The following TRHR variants were observed in gnomAD, a reference collection of about 807,000 sequenced individuals.
TRHR encodes the protein thyrotropin-releasing hormone receptor.
A neutral mutation model predicts 28.0 loss-of-function variants in TRHR; 14 were observed. The observed-to-expected ratio is 0.50, with a 90% confidence interval of 0.33 to 0.78. The LOEUF (loss-of-function observed/expected upper bound fraction) is 0.78, where lower values mean the gene tolerates loss of function less well. TRHR is among the 30% of genes least tolerant of loss of function. The pLI is 0.02. For synonymous variants in TRHR, 176 were observed against 171.9 expected, an observed-to-expected ratio of 1.02 and a Z score of -0.18; for missense variants, 438 against 469.5, an observed-to-expected ratio of 0.93 and a Z score of 0.62.
At chr8:109,113,314 G>A (rs540034925) in intron 2 of TRHR, among the ~76,000 whole-genome samples, 27 of 152,084 alleles carry the variant, frequency 1.8e-4, no homozygotes, top group Non-Finnish European at 5.9e-5. Context: ...GTTGAGAATG[G>A]CATGTCACTC....
chr8:109,111,013 C>T (rs1811824210), intron 2 of TRHR, among the ~76,000 whole-genome samples: 2 of 151,960 alleles, frequency 1.3e-5, no homozygotes, highest in African/African-American at 4.8e-5. Flanking sequence ...AATTAGCAGA[C>T]ATGGTGGTGC....
rs1811992591 is a variant in TRHR at position 109,120,539 on chromosome 8, A to G, written c.*1084A>G. ...TTGACTGCAATTGTCTTTCCTTCCT[A>G]TCTGCTTGTTGTTTGTAGGTTCTTT... On this transcript the variant is annotated 3_prime_UTR_variant, in exon 3 of 3. Coordinates refer to ENST00000518632, the MANE Select transcript of TRHR (RefSeq NM_003301.7). Among the ~76,000 whole-genome samples, 1 of 151,188 alleles carries G rather than the reference A, an allele frequency of 6.6e-6. No homozygotes were observed. The highest frequency in any genetic ancestry group is 2.4e-5 in the African/African-American group (1 of 41,202).
Position 109,119,773 on chromosome 8 carries a change from T to C in TRHR, c.*318T>C, listed in dbSNP as rs1811978332. ...ATAGAGTTTCAATAAAATCTAGACA[T>C]CAATTTACATTATTCATAGTAACCT... On this transcript the variant is annotated 3_prime_UTR_variant, in exon 3 of 3. Coordinates refer to ENST00000518632, the MANE Select transcript of TRHR (RefSeq NM_003301.7). Among the ~76,000 whole-genome samples the C allele has an allele frequency of 6.6e-6, 1 of 151,968 alleles. No homozygotes were observed. The highest frequency in any genetic ancestry group is 1.5e-5 in the Non-Finnish European group (1 of 67,924).
rs1423867937 is a variant in TRHR, at chr8:109,120,221, C to A, written c.*766C>A. ...AAAGGCAAAAGCCCAGATTAAGTAA[C>A]TGTGAAGATACAAACTAACATACAA... is the stretch of plus-strand genomic sequence containing the variant. On this transcript the variant is annotated 3_prime_UTR_variant, in exon 3 of 3. Transcript: ENST00000518632. Among the ~76,000 whole-genome samples, 1 of 151,862 alleles carries A rather than the reference C, an allele frequency of 6.6e-6. No individual in the cohort carries two copies. Among genetic ancestry groups the A allele is most frequent in the Non-Finnish European group, 1.5e-5 (1 of 67,888 alleles).
chr8:109,087,086 AG>A (rs748911645), intron 1 of TRHR, among the ~76,000 whole-genome samples: 14 of 152,126 alleles, frequency 9.2e-5, no homozygotes, highest in Non-Finnish European at 1.8e-4. Context: ...TACTTTTGCC[AG>A]GCATCTAAGA....
chr8:109,113,659 T>A (rs1811872864), intron 2 of TRHR, among the ~76,000 whole-genome samples: 1 of 152,106 alleles, frequency 6.6e-6, no homozygotes, highest in South Asian at 2.1e-4. Flanking sequence ...ACCATACTAA[T>A]GCAAGGGGTG....
At chr8:109,110,461 G>C (rs1811814003) in intron 2 of TRHR, among the ~76,000 whole-genome samples, 1 of 151,392 alleles carries the variant, frequency 6.6e-6, no homozygotes, top group South Asian at 2.1e-4. Context: ...AGCCTTATCA[G>C]ATACAACCAA....
chr8:109,108,348 C>T (rs1418059647), intron 2 of TRHR, among the ~76,000 whole-genome samples: 1 of 152,174 alleles, frequency 6.6e-6, no homozygotes, highest in Admixed American at 6.6e-5. Context: ...TGAGGAATCA[C>T]TTATCTGTGT....
chr8:109,102,165 T>C (rs764627192), intron 2 of TRHR, among the ~76,000 whole-genome samples: 4 of 152,288 alleles, frequency 2.6e-5, no homozygotes, highest in Non-Finnish European at 5.9e-5. Context: ...CTGCTGTCTT[T>C]ACAAGCTTGA....
In TRHR at chr8:109,119,248, C is replaced by T; in HGVS notation, c.990C>T (p.Ala330=). 6.2e-7 allele frequency: 1 copy of T among 1,612,838 alleles called. No individual in the cohort carries two copies. The highest frequency in any genetic ancestry group is 8.5e-7 in the Non-Finnish European group (1 of 1,179,256). ...TCATGTCCCAGAAATTCCGTGCAGC[C>T]TTCAGAAAGCTCTGCAACTGCAAGC... The part of the protein sequence containing the change: ...YNLMSQKFRA[A]FRKLCNCKQK... The change falls in exon 3 of 3, where the codon GCC becomes GCT. Residue 330 remains alanine (A), a synonymous_variant. Transcript: ENST00000518632.
intron 2 of TRHR, among the ~76,000 whole-genome samples, chr8:109,102,338 C>T (rs534003568): frequency 1.3e-5 from 2 of 152,164 alleles, no homozygotes; most frequent in Admixed American, 6.6e-5. Context: ...ACAAGCAAGA[C>T]TTGATATTGA....
At chr8:109,096,618 T>C (rs959419630) in intron 2 of TRHR, among the ~76,000 whole-genome samples, 1 of 152,200 alleles carries the variant, frequency 6.6e-6, no homozygotes, top group Non-Finnish European at 1.5e-5. Flanking sequence ...CAACTCCGCA[T>C]TCAGTGCCAT....
intron 2 of TRHR, among the ~76,000 whole-genome samples, chr8:109,090,191 A>C (rs1337830947): frequency 6.6e-6 from 1 of 152,224 alleles, no homozygotes; most frequent in African/African-American, 2.4e-5. Flanking sequence ...AATATCCAAG[A>C]TCAGTGTAAG....
Position 109,120,288 on chromosome 8 carries a change from A to C in TRHR, c.*833A>C, listed in dbSNP as rs1396904064. ...TAGTCAAGACAAAGCAAGTATTTAT[A>C]ATTAGATTTTGCTTCTTCTCTGACG... On this transcript the variant is annotated 3_prime_UTR_variant, in exon 3 of 3. Coordinates refer to ENST00000518632, the MANE Select transcript of TRHR (RefSeq NM_003301.7). 6.6e-6 allele frequency among the ~76,000 whole-genome samples: 1 copy of C among 151,914 alleles called. No individual in the cohort carries two copies. The highest frequency in any genetic ancestry group is 1.5e-5 in the Non-Finnish European group (1 of 67,906).
At chr8:109,096,801 A>T (rs1011885657) in intron 2 of TRHR, among the ~76,000 whole-genome samples, 3 of 152,074 alleles carry the variant, frequency 2.0e-5, no homozygotes, top group Non-Finnish European at 2.9e-5. Context: ...ATATATATAT[A>T]AAAAAACATG....
In TRHR at chr8:109,119,221, T is replaced by C; in HGVS notation, c.963T>C (p.Asn321=). The C allele has an allele frequency of 6.2e-7, 1 of 1,612,870 alleles. No individual in the cohort carries two copies. ...GTGCCATCAACCCGGTGATTTACAA[T>C]CTCATGTCCCAGAAATTCCGTGCAG... ...LNSAINPVIY[N]LMSQKFRAAF... is the part of the protein sequence containing the mutation. The change falls in exon 3 of 3, where the codon AAT becomes AAC. Residue 321 remains asparagine (N), a synonymous_variant. Coordinates refer to ENST00000518632, the MANE Select transcript of TRHR (RefSeq NM_003301.7).
intron 2 of TRHR, among the ~76,000 whole-genome samples, chr8:109,103,027 A>G (rs1265400305): frequency 6.6e-6 from 1 of 152,178 alleles, no homozygotes; most frequent in African/African-American, 2.4e-5. Context: ...TCTTATAATT[A>G]GAGGCCAGAC....
chr8:109,097,661 G>A (rs1171369592), intron 2 of TRHR, among the ~76,000 whole-genome samples: 1 of 152,164 alleles, frequency 6.6e-6, no homozygotes, highest in Non-Finnish European at 1.5e-5. Context: ...AAAATGAGTA[G>A]GCATTCACTA....
intron 2 of TRHR, among the ~76,000 whole-genome samples, chr8:109,100,717 G>A (rs1811666666): frequency 6.6e-6 from 1 of 152,100 alleles, no homozygotes; most frequent in Non-Finnish European, 1.5e-5. Flanking sequence ...AGAAACAAAT[G>A]TTATCATAGT....
Sources: gnomAD v4.1 joint callset for allele counts (sites outside exome capture counted in the v4.1 genomes callset) on GRCh38, gnomAD v4.1.1 for gene constraint, MANE v1.5 for transcripts, NCBI Gene and HGNC (gene_info 2026-07-23, HGNC 2026-07-21) for gene names.